Variants in TTC39B observed in about 807,000 individuals in gnomAD.
TTC39B encodes the protein tetratricopeptide repeat protein 39B.
In TTC39B, 92 loss-of-function variants were observed where a neutral mutation model predicts 96.6. The observed-to-expected ratio is 0.95, with a 90% confidence interval of 0.80 to 1.13. TTC39B has a LOEUF of 1.13. TTC39B is among the 50% of genes most tolerant of loss of function. TTC39B has a pLI of 0.00. For synonymous variants in TTC39B, 367 were observed against 299.4 expected, an observed-to-expected ratio of 1.23 and a Z score of -2.33; for missense variants, 955 against 809.3, an observed-to-expected ratio of 1.18 and a Z score of -2.18.
intron 10 of TTC39B, 27 bp from the exon 11 acceptor site, chr9:15,190,689 A>G (rs1364179138): frequency 6.4e-7 from 1 of 1,561,754 alleles, no homozygotes; most frequent in African/African-American, 1.4e-5. Context: ...CATTTTTAGA[A>G]AGAGAACAAG....
chr9:15,252,749 T>C (rs1438331160), intron 2 of TTC39B, among the ~76,000 whole-genome samples: 10 of 152,186 alleles, frequency 6.6e-5, no homozygotes, highest in Admixed American at 6.5e-4. Context: ...CTGTAACAAA[T>C]GTACGATACT....
chr9:15,177,202 G>A (rs1246388469), intron 18 of TTC39B, among the ~76,000 whole-genome samples: 1 of 152,090 alleles, frequency 6.6e-6, no homozygotes. Context: ...GCATAGTAGT[G>A]CACACTTGTA....
At chr9:15,269,911 G>T (rs138895287) in intron 1 of TTC39B, among the ~76,000 whole-genome samples, 3,960 of 151,636 alleles carry the variant, frequency 0.026, 174 homozygotes, top group African/African-American at 0.091. Context: ...GCTTACACCT[G>T]TAATCCCAAC....
chr9:15,301,443 G>A (rs1187984859), intron 1 of TTC39B, among the ~76,000 whole-genome samples: 1 of 152,180 alleles, frequency 6.6e-6, no homozygotes, highest in African/African-American at 2.4e-5. Flanking sequence ...GGCGTTCAAT[G>A]AACGTTGGTG....
chr9:15,174,552 G>A (rs958333783), intron 19 of TTC39B, among the ~76,000 whole-genome samples: 1 of 152,140 alleles, frequency 6.6e-6, no homozygotes, highest in African/African-American at 2.4e-5. Context: ...GCTCTTCAAG[G>A]AAATAATAGG....
chr9:15,182,633 T>G (rs1330972519), intron 16 of TTC39B, among the ~76,000 whole-genome samples: 1 of 152,248 alleles, frequency 6.6e-6, no homozygotes, highest in Non-Finnish European at 1.5e-5. Flanking sequence ...CAAATATTTA[T>G]TAAATATCTA....
At chr9:15,177,896 C>G (rs917472584) in intron 17 of TTC39B, 82 bp from the exon 18 acceptor site, 77 of 799,954 alleles carry the variant, frequency 9.6e-5, no homozygotes, top group Admixed American at 2.2e-4. Flanking sequence ...TTGAGACGGA[C>G]TCTCGCTCTC....
Position 15,265,769 on chromosome 9 carries a change from T to A in TTC39B, c.275+2145A>T, listed in dbSNP as rs12684021. Among the ~76,000 whole-genome samples, 1,063 of 152,288 alleles carry A rather than the reference T, an allele frequency of 7.0e-3. 29 individuals carry two copies. The highest frequency in any genetic ancestry group is 0.047 in the Admixed American group (724 of 15,292). On this transcript the variant is annotated intron_variant, in intron 2 of 19. Coordinates refer to ENST00000512701, the Ensembl canonical transcript of TTC39B. ...GATATCGTGGATCTTTGCTATGATG[T>A]GATAAGAATGGCCCTTTCCATCTGG...
At position 15,177,292 on chromosome 9, in the gene TTC39B, T is replaced by G. The variant is rs544694989; in HGVS notation, c.1841+405A>C. ...AGGCTGCAGTGAGCCATGATTGTACTACTTGCACTCCAGTCTGGACAACAA... is the reference window on the plus strand; with the variant it reads ...AGGCTGCAGTGAGCCATGATTGTACGACTTGCACTCCAGTCTGGACAACAA... On this transcript the variant is annotated intron_variant, in intron 18 of 19. Transcript: ENST00000512701. Among the ~76,000 whole-genome samples the G allele has an allele frequency of 3.9e-5, 6 of 152,106 alleles. No individual in the cohort carries two copies. In the East Asian group the frequency reaches 1.2e-3, roughly 29 times the overall value.
intron 5 of TTC39B, among the ~76,000 whole-genome samples, 194 bp from the exon 6 acceptor site, chr9:15,210,358 G>A (rs1820124931): frequency 6.6e-6 from 1 of 152,184 alleles, no homozygotes; most frequent in Non-Finnish European, 1.5e-5. Flanking sequence ...GCCATTTGTG[G>A]GAACTCAGTC....
rs1472663414 is a variant in TTC39B at position 15,177,692 on chromosome 9, C to G, written c.1841+5G>C. ...ACTTGGGCTGGTTTTATTGTTTGGT[C>G]TTACCTTTCCACAACATGATTGTAA... On this transcript the variant is annotated splice_donor_5th_base_variant and intron_variant, in intron 18 of 19. Coordinates refer to ENST00000512701, the Ensembl canonical transcript of TTC39B. The G allele has an allele frequency of 1.9e-6, 3 of 1,598,660 alleles. No individual in the cohort carries two copies. The highest frequency in any genetic ancestry group is 3.5e-5 in the Admixed American group (2 of 57,808).
chr9:15,283,894 T>C (rs1406399418), intron 1 of TTC39B, among the ~76,000 whole-genome samples: 1 of 152,120 alleles, frequency 6.6e-6, no homozygotes, highest in East Asian at 1.9e-4. Context: ...ATGGGTATTT[T>C]TTAAAATAAT....
At chr9:15,207,658 C>T (rs938128812) in intron 6 of TTC39B, among the ~76,000 whole-genome samples, 1 of 152,032 alleles carries the variant, frequency 6.6e-6, no homozygotes, top group Admixed American at 6.6e-5. Context: ...GCAACAAGGA[C>T]AGTATATAGC....
exon 16 of TTC39B, chr9:15,185,348 C>A (rs754049474): frequency 4.3e-6 from 7 of 1,613,916 alleles, no homozygotes; most frequent in South Asian, 1.1e-5. Flanking sequence ...TTCCTCACAG[C>A]AAACTTCTCA....
At chr9:15,286,673 ACT>A (rs1292782661) in intron 1 of TTC39B, among the ~76,000 whole-genome samples, 1 of 152,092 alleles carries the variant, frequency 6.6e-6, no homozygotes, top group Admixed American at 6.6e-5. Context: ...GTACTGCCTG[ACT>A]CATTATTTAC....
chr9:15,233,187 G>A (rs981885520), intron 2 of TTC39B, among the ~76,000 whole-genome samples: 4 of 152,148 alleles, frequency 2.6e-5, no homozygotes, highest in Admixed American at 6.5e-5. Context: ...AGCCCCACGC[G>A]ACGGCTAGGT....
chr9:15,244,298 A>G (rs1391280760), intron 2 of TTC39B, among the ~76,000 whole-genome samples: 1 of 152,238 alleles, frequency 6.6e-6, no homozygotes, highest in African/African-American at 2.4e-5. Flanking sequence ...TTACCACATG[A>G]CTGGAGCGTG....
chr9:15,211,161 G>A, intron 5 of TTC39B, 105 bp downstream of exon 5: 2 of 1,282,210 alleles, frequency 1.6e-6, no homozygotes, highest in South Asian at 2.2e-5. Flanking sequence ...TGTAACTGTG[G>A]CCAATTTCAA....
intron 1 of TTC39B, among the ~76,000 whole-genome samples, chr9:15,268,793 T>G (rs1334294776): frequency 2.6e-5 from 4 of 152,234 alleles, no homozygotes; most frequent in Non-Finnish European, 5.9e-5. Flanking sequence ...CTTGACACCC[T>G]CCATTCAATT....
Sources: gnomAD v4.1 joint callset for allele counts (sites outside exome capture counted in the v4.1 genomes callset) on GRCh38, gnomAD v4.1.1 for gene constraint, MANE v1.5 for transcripts, NCBI Gene and HGNC (gene_info 2026-07-23, HGNC 2026-07-21) for gene names.